The following GPR158 variants were observed in gnomAD, a reference collection of about 807,000 sequenced individuals.
GPR158 encodes the protein G protein-coupled receptor 158, also known as metabotropic glycine receptor.
In GPR158, 30 loss-of-function variants were observed where a neutral mutation model predicts 78.2. That is an observed-to-expected ratio of 0.38 (90% CI 0.29 to 0.52). The LOEUF (loss-of-function observed/expected upper bound fraction) is 0.52. GPR158 is among the 20% of genes least tolerant of loss of function. The probability of loss-of-function intolerance (pLI) is 0.83; values close to 1 mark genes in which losing one functional copy is unlikely to be tolerated. For missense variants in GPR158, 1,463 were observed against 1,523.5 expected, an observed-to-expected ratio of 0.96 and a Z score of 0.66; for synonymous variants, 581 against 591.1, an observed-to-expected ratio of 0.98 and a Z score of 0.25.
chr10:25,178,777 C>A (rs958118558), intron 1 of GPR158, among the ~76,000 whole-genome samples: 1 of 152,154 alleles, frequency 6.6e-6, no homozygotes, highest in African/African-American at 2.4e-5. Flanking sequence ...AGAAGAAAAT[C>A]TTACAGGCAT....
At chr10:25,451,762 A>G (rs1414073132) in intron 4 of GPR158, among the ~76,000 whole-genome samples, 1 of 152,204 alleles carries the variant, frequency 6.6e-6, no homozygotes, top group African/African-American at 2.4e-5. Context: ...TGTGGGGTTA[A>G]TAAGTGTGAA....
At chr10:25,564,735 T>TA (rs1274802617) in intron 6 of GPR158, among the ~76,000 whole-genome samples, 9 of 152,198 alleles carry the variant, frequency 5.9e-5, no homozygotes, top group African/African-American at 2.2e-4. Flanking sequence ...AAATGCTGCA[T>TA]AGCTTTTTTA....
chr10:25,221,963 T>A (rs1273896258), intron 2 of GPR158, among the ~76,000 whole-genome samples: 1 of 152,184 alleles, frequency 6.6e-6, no homozygotes, highest in Non-Finnish European at 1.5e-5. Context: ...AATGTAGTAA[T>A]CTACAACTTT....
intron 1 of GPR158, among the ~76,000 whole-genome samples, chr10:25,185,274 A>G (rs1213818137): frequency 6.6e-6 from 1 of 152,230 alleles, no homozygotes; most frequent in Non-Finnish European, 1.5e-5. Flanking sequence ...TTATGCTCAT[A>G]TAGGCATTTG....
intron 2 of GPR158, among the ~76,000 whole-genome samples, chr10:25,237,555 A>G (rs888403231): frequency 2.6e-5 from 4 of 152,220 alleles, no homozygotes; most frequent in African/African-American, 9.6e-5. Context: ...TTTGTGATAG[A>G]TGAATTTTAT....
chr10:25,372,948 C>T (rs574275173), intron 2 of GPR158, among the ~76,000 whole-genome samples: 43 of 151,834 alleles, frequency 2.8e-4, no homozygotes, highest in Admixed American at 7.9e-4. Flanking sequence ...TCTTATTACT[C>T]GGTATATACC....
At chr10:25,578,748 CTGT>C (rs1274888885) in intron 7 of GPR158, among the ~76,000 whole-genome samples, 1 of 152,124 alleles carries the variant, frequency 6.6e-6, no homozygotes, top group African/African-American at 2.4e-5. Context: ...TGGCTCACAC[CTGT>C]AATCCCAGCA....
intron 5 of GPR158, among the ~76,000 whole-genome samples, chr10:25,524,348 C>T (rs1326386644): frequency 6.6e-6 from 1 of 152,110 alleles, no homozygotes; most frequent in Non-Finnish European, 1.5e-5. Context: ...TTTCAAAAAG[C>T]AGAACAAAAT....
intron 6 of GPR158, among the ~76,000 whole-genome samples, chr10:25,551,546 T>A (rs1458573392): frequency 6.6e-6 from 1 of 152,188 alleles, no homozygotes; most frequent in Non-Finnish European, 1.5e-5. Context: ...CAGAAAATAG[T>A]GCTTTTGGCT....
chr10:25,288,578 C>G (rs1263956139), intron 2 of GPR158, among the ~76,000 whole-genome samples: 1 of 152,172 alleles, frequency 6.6e-6, no homozygotes, highest in Non-Finnish European at 1.5e-5. Context: ...AGGTTCAGCT[C>G]AAATGATGGA....
At chr10:25,210,469 GT>G (rs1462225812) in intron 1 of GPR158, among the ~76,000 whole-genome samples, 3 of 152,162 alleles carry the variant, frequency 2.0e-5, no homozygotes, top group Non-Finnish European at 4.4e-5. Context: ...GCGTGCATCA[GT>G]TTCCAGACCC....
chr10:25,425,417 C>T (rs936705806), intron 4 of GPR158, among the ~76,000 whole-genome samples: 3 of 151,836 alleles, frequency 2.0e-5, no homozygotes, highest in African/African-American at 7.3e-5. Flanking sequence ...TTGCATTTCC[C>T]TGATAATTAG....
intron 1 of GPR158, among the ~76,000 whole-genome samples, chr10:25,215,157 A>T (rs1853191300): frequency 6.6e-6 from 1 of 152,222 alleles, no homozygotes; most frequent in South Asian, 2.1e-4. Flanking sequence ...TGTGATGTGT[A>T]TATAAAATGG....
In GPR158 at chr10:25,598,388, A is replaced by G; in HGVS notation, c.2762A>G (p.Gln921Arg). 6.2e-7 allele frequency: 1 copy of G among 1,614,144 alleles called. No homozygotes were observed. Among genetic ancestry groups the G allele is most frequent in the Non-Finnish European group, 8.5e-7 (1 of 1,180,026 alleles). Residue 921 changes from glutamine (Q) to arginine (R), a missense_variant, in exon 11 of 11, where the codon CAA (glutamine) becomes CGA (arginine). Coordinates refer to ENST00000376351, the MANE Select transcript of GPR158 (RefSeq NM_020752.3). ...EKTLGLAGKTQTAGVEERTKS... is the reference protein window; with the variant it reads ...EKTLGLAGKTRTAGVEERTKS... Reference sequence around the variant, plus strand: ...ACTCTTGGATTAGCTGGGAAAACCCAAACAGCAGGTGTGGAAGAACGCACT... The same window carrying G: ...ACTCTTGGATTAGCTGGGAAAACCCGAACAGCAGGTGTGGAAGAACGCACT...
chr10:25,211,496 G>A (rs1853130214), intron 1 of GPR158, among the ~76,000 whole-genome samples: 2 of 152,104 alleles, frequency 1.3e-5, no homozygotes, highest in Non-Finnish European at 2.9e-5. Flanking sequence ...TGCACAAGAG[G>A]AGGCCAAATT....
At chr10:25,468,582 C>T (rs1396283613) in intron 5 of GPR158, among the ~76,000 whole-genome samples, 13 of 152,136 alleles carry the variant, frequency 8.5e-5, no homozygotes, top group Admixed American at 7.9e-4. Context: ...CCATGAGACA[C>T]ACCAATTAAT....
At chr10:25,549,120 T>A (rs150608019) in intron 5 of GPR158, among the ~76,000 whole-genome samples, 1 of 152,182 alleles carries the variant, frequency 6.6e-6, no homozygotes, top group Non-Finnish European at 1.5e-5. Context: ...TCTATGGCCA[T>A]TTCTAGTGGA....
At chr10:25,408,654 T>C (rs1199326206) in intron 3 of GPR158, among the ~76,000 whole-genome samples, 1 of 152,232 alleles carries the variant, frequency 6.6e-6, no homozygotes. Context: ...CTCATTGTTT[T>C]CTCAGTATCC....
rs1837428469 is a variant in GPR158, at chr10:25,597,794, C to T, written c.2168C>T (p.Ala723Val). Residue 723 changes from alanine to valine, a missense_variant, in exon 11 of 11, where the codon GCC (alanine) becomes GTC (valine). Transcript: ENST00000376351. ...DIRDELKKLY[A>V]QLEIYKRKKM... ...CAGGACGAGCTGAAAAAACTCTATG[C>T]CCAACTGGAAATATATAAAAGAAAG... 1 of 1,503,946 alleles carries T rather than the reference C, an allele frequency of 6.6e-7. No individual in the cohort carries two copies. Among genetic ancestry groups the T allele is most frequent in the Admixed American group, 2.3e-5 (1 of 43,504 alleles). The allele number at this position is 1,503,946 out of a possible 1,614,324, so 93.2% of individuals were successfully genotyped here.
Sources: allele counts gnomAD v4.1 joint callset (sites outside exome capture counted in the v4.1 genomes callset), GRCh38; gene constraint gnomAD v4.1.1; transcripts MANE v1.5; gene names NCBI Gene and HGNC (gene_info 2026-07-23, HGNC 2026-07-21).